SPTBN4: variants seen among roughly 807,000 people sequenced by gnomAD.
The protein encoded by SPTBN4 is spectrin beta, non-erythrocytic 4, also known as spectrin beta chain, non-erythrocytic 4.
In SPTBN4, 96 loss-of-function variants were observed where a neutral mutation model predicts 277.8. The observed-to-expected ratio is 0.35, with a 90% confidence interval of 0.29 to 0.41. The LOEUF is 0.41. Ranked by LOEUF, SPTBN4 falls within the 10% of genes least tolerant of loss-of-function variation. The pLI is 1.00. For synonymous variants in SPTBN4, 1,481 were observed against 1,580.3 expected (o/e 0.94, Z 1.49); for missense variants, 3,006 against 3,595.7 (o/e 0.84, Z 4.19).
At position 40,554,274 on chromosome 19, in the gene SPTBN4, G is replaced by T. The variant is rs2080951360; in HGVS notation, c.4802G>T (p.Ser1601Ile). Residue 1601 changes from serine (S) to isoleucine (I), a missense_variant, in exon 23 of 36, where the codon AGC becomes ATC. Physicochemically the swap from Ser to Ile is moderately radical, Grantham distance 142. Coordinates refer to ENST00000598249, the MANE Select transcript of SPTBN4 (RefSeq NM_020971.3). The surrounding 1 kb of genome is among the most constrained non-coding windows in gnomAD (Gnocchi z 5.7). Reference protein sequence around the residue: ...AVRRGLEQLQSAWAGLREAAE... With the variant: ...AVRRGLEQLQIAWAGLREAAE... ...CGCCGGGGCCTGGAGCAGCTGCAGA[G>T]CGCCTGGGCCGGACTGCGGGAGGCT... 6.5e-7 allele frequency: 1 copy of T among 1,535,508 alleles called. No homozygotes were observed. Among genetic ancestry groups the T allele is most frequent in the Admixed American group, 2.0e-5 (1 of 51,058 alleles).
rs61507204 is a variant in SPTBN4, at chr19:40,491,540, G to A, written c.495+1292G>A. Among the ~76,000 whole-genome samples, 833 of 151,866 alleles carry A rather than the reference G, an allele frequency of 5.5e-3. 4 individuals are homozygous for A. Among genetic ancestry groups the A allele is most frequent in the African/African-American group, 0.019 (778 of 41,388 alleles). Reference sequence around the variant, plus strand: ...GAGGATTACCTGAGTTTAGGAGTTCGAGCCCAGCTTGGCCAACATGGTGAA... The same window carrying A: ...GAGGATTACCTGAGTTTAGGAGTTCAAGCCCAGCTTGGCCAACATGGTGAA... On this transcript the variant is annotated intron_variant, in intron 4 of 35. Coordinates refer to ENST00000598249, the MANE Select transcript of SPTBN4 (RefSeq NM_020971.3).
At chr19:40,564,493 T>TA (rs1306303498) in intron 27 of SPTBN4, among the ~76,000 whole-genome samples, 1 of 152,204 alleles carries the variant, frequency 6.6e-6, no homozygotes, top group African/African-American at 2.4e-5. Flanking sequence ...CTTGGAACGT[T>TA]AAAATCATTG....
rs752471396 is a variant in SPTBN4, at chr19:40,554,206, G to A, written c.4734G>A (p.Ala1578=). 2.0e-6 allele frequency: 3 copies of A among 1,483,034 alleles called. No homozygotes were observed. The South Asian group carries it at 4.0e-5, about 20-fold the overall frequency. The allele number at this position is 1,483,034 out of a possible 1,614,324, so 91.9% of individuals were successfully genotyped here. A position where few individuals can be genotyped will look rare whatever the true frequency, so the allele number is the denominator to read the frequency against. The change falls in exon 23 of 36, where the codon GCG becomes GCA. Residue 1578 remains alanine (A), a synonymous_variant. Transcript: ENST00000598249. The surrounding 1 kb of genome is among the most constrained non-coding windows in gnomAD (Gnocchi z 5.7). ...GCCTGGAGGAGGTGCTGGAGCGCGC[G>A]GGCGCGCTGGCGTCGCTGCGCAGCC... ...GPRLEEVLER[A]GALASLRSPE... is the part of the protein sequence containing the mutation.
At chr19:40,484,217 C>G (rs1260337124) in intron 2 of SPTBN4, among the ~76,000 whole-genome samples, 1 of 151,934 alleles carries the variant, frequency 6.6e-6, no homozygotes, top group Non-Finnish European at 1.5e-5. Flanking sequence ...TTCCCTTAAC[C>G]CCACTATTGA....
In SPTBN4 at chr19:40,506,399, G is replaced by T; in HGVS notation, c.1816+13G>T. The T allele has an allele frequency of 6.2e-7, 1 of 1,603,976 alleles. No individual in the cohort carries two copies. The highest frequency in any genetic ancestry group is 8.5e-7 in the Non-Finnish European group (1 of 1,173,672). On this transcript the variant is annotated intron_variant, in intron 13 of 35. Transcript: ENST00000598249. ...TCCCAGCTGCAGGGTGAGTCTTGGGGCTGGGGCTGGGGCTATGGGTGGAGA... is the reference window on the plus strand; with the variant it reads ...TCCCAGCTGCAGGGTGAGTCTTGGGTCTGGGGCTGGGGCTATGGGTGGAGA...
At chr19:40,503,687 A>G in intron 11 of SPTBN4, 143 bp from the exon 12 acceptor site, 1 of 887,768 alleles carries the variant, frequency 1.1e-6, no homozygotes, top group Non-Finnish European at 1.7e-6. Flanking sequence ...ACAGGGGAGG[A>G]TGAGGCTGGT....
At chr19:40,533,568 T>C (rs1229699406) in intron 19 of SPTBN4, among the ~76,000 whole-genome samples, 3 of 152,208 alleles carry the variant, frequency 2.0e-5, no homozygotes, top group Non-Finnish European at 4.4e-5. Context: ...TAAATGGTCA[T>C]TGATGTTTCA....
intron 2 of SPTBN4, among the ~76,000 whole-genome samples, chr19:40,477,766 G>A (rs968429175): frequency 3.3e-5 from 5 of 152,242 alleles, no homozygotes; most frequent in Non-Finnish European, 5.9e-5. Context: ...AAGGCCTCCA[G>A]AAGCTGGGAG....
At chr19:40,533,490 G>C (rs2080700812) in intron 19 of SPTBN4, among the ~76,000 whole-genome samples, 1 of 152,002 alleles carries the variant, frequency 6.6e-6, no homozygotes, top group Non-Finnish European at 1.5e-5. Context: ...TGAACCCCTA[G>C]ACCTGTAGCC....
rs1568776196 is a variant in SPTBN4, at chr19:40,497,578, G to C, written c.758G>C (p.Gly253Ala). 5 of 1,613,744 alleles carry C rather than the reference G, an allele frequency of 3.1e-6. No homozygotes were observed. The highest frequency in any genetic ancestry group is 3.3e-5 in the Admixed American group (2 of 59,988). The change falls in exon 7 of 36, where the codon GGG becomes GCG. Residue 253 changes from glycine to alanine, a missense_variant. Gly to Ala is a moderately conservative substitution (Grantham distance 60). Coordinates refer to ENST00000598249, the MANE Select transcript of SPTBN4 (RefSeq NM_020971.3). ...TTCCGCACAGCTGAGCAGCACCTGG[G>C]GCTGGCGCGGCTGCTGGATCCTGAA... The part of the protein sequence containing the change: ...RAFRTAEQHL[G>A]LARLLDPEDV...
At chr19:40,569,757 G>A (rs768130478) in intron 32 of SPTBN4, 31 bp downstream of exon 32, 16 of 1,586,304 alleles carry the variant, frequency 1.0e-5, no homozygotes, top group Admixed American at 3.7e-5. Flanking sequence ...GTGGGGATAG[G>A]AGGACCCCTT....
At position 40,532,783 on chromosome 19, in the gene SPTBN4, G is replaced by C. The variant is rs1394965099; in HGVS notation, c.4095+12G>C. On this transcript the variant is annotated intron_variant, in intron 19 of 35. Transcript: ENST00000598249. Reference sequence around the variant, plus strand: ...AGAAGATCGAGCGGGTGAGGAAGCTGATGGCCCCTCTGCCTGTGCCAGGTG... The same window carrying C: ...AGAAGATCGAGCGGGTGAGGAAGCTCATGGCCCCTCTGCCTGTGCCAGGTG... 1 of 1,604,950 alleles carries C rather than the reference G, an allele frequency of 6.2e-7. No homozygotes were observed. The highest frequency in any genetic ancestry group is 1.3e-5 in the African/African-American group (1 of 74,746).
chr19:40,534,999 C>T (rs1272805069), intron 20 of SPTBN4: 2 of 152,268 alleles, frequency 1.3e-5, no homozygotes, highest in African/African-American at 2.4e-5. Context: ...TCTCACCTCC[C>T]AGGGAGTAAT....
intron 15 of SPTBN4, among the ~76,000 whole-genome samples, chr19:40,517,379 G>GC (rs2080473030): frequency 6.6e-6 from 1 of 150,582 alleles, no homozygotes; most frequent in Admixed American, 6.7e-5. Context: ...AGCCTTCACC[G>GC]CCCCCGACCC....
chr19:40,550,302 T>C lies in SPTBN4; in HGVS notation c.4649T>C (p.Val1550Ala), dbSNP rs1435511361. The C allele has an allele frequency of 1.2e-6, 2 of 1,610,632 alleles. No homozygotes were observed. The highest frequency in any genetic ancestry group is 4.5e-5 in the East Asian group (2 of 44,890). ...GAGCGAGGCAACGGTTTGCAGGCGGTCCAGCAGCACATCAAAAAGAACCAG... is the reference window on the plus strand; with the variant it reads ...GAGCGAGGCAACGGTTTGCAGGCGGCCCAGCAGCACATCAAAAAGAACCAG... ...QTERGNGLQA[V>A]QQHIKKNQGL... Residue 1550 changes from valine to alanine, a missense_variant, in exon 22 of 36, where the codon GTC becomes GCC. Physicochemically the swap from Val to Ala is moderately conservative, Grantham distance 64. Transcript: ENST00000598249.
chr19:40,527,112 C>G (rs142367284), intron 17 of SPTBN4, among the ~76,000 whole-genome samples: 2 of 152,282 alleles, frequency 1.3e-5, no homozygotes, highest in Non-Finnish European at 2.9e-5. Context: ...TCTGTCTCTG[C>G]AACTGTCTCC....
rs561899408 is a variant in SPTBN4, at chr19:40,531,974, G to A, written c.3949-651G>A. ...AGAGTCCCAGGGCTAGAACTGGGGA[G>A]CCCTGTGGGCTCATTAGGGGTGCTA... On this transcript the variant is annotated intron_variant, in intron 18 of 35. Transcript: ENST00000598249. Among the ~76,000 whole-genome samples the A allele has an allele frequency of 3.3e-5, 5 of 152,096 alleles. No homozygotes were observed. The East Asian group carries it at 9.7e-4, about 30-fold the overall frequency.
Position 40,513,206 on chromosome 19 carries a change from C to T in SPTBN4, c.2417C>T (p.Ala806Val). The change falls in exon 14 of 36, where the codon GCT becomes GTT. Residue 806 changes from alanine (A) to valine (V), a missense_variant. Around this residue, in one of 5 missense-constraint regions of SPTBN4, gnomAD observed 1,759 missense variants for 2,061.5 expected, o/e 0.85. Coordinates refer to ENST00000598249, the MANE Select transcript of SPTBN4 (RefSeq NM_020971.3). ...AAAGDFGHDE[A>V]SSRRLARQHR... The stretch of plus-strand genomic sequence containing the variant: ...GCCGGTGACTTCGGCCACGACGAAG[C>T]TTCCAGCCGCCGCCTGGCGCGCCAG... 6.6e-7 allele frequency: 1 copy of T among 1,505,336 alleles called. No individual in the cohort carries two copies. The highest frequency in any genetic ancestry group is 8.8e-7 in the Non-Finnish European group (1 of 1,135,180). 93.2% of individuals were successfully genotyped at this position (1,505,336 alleles called of 1,614,324 possible). A position where few individuals can be genotyped will look rare whatever the true frequency, so the allele number is the denominator to read the frequency against.
intron 11 of SPTBN4, among the ~76,000 whole-genome samples, chr19:40,503,540 C>G (rs2080287203): frequency 6.9e-6 from 1 of 144,606 alleles, no homozygotes; most frequent in South Asian, 2.1e-4. Context: ...AGCTGGTCTC[C>G]AGGATAACTG....
Sources: allele counts gnomAD v4.1 joint callset (sites outside exome capture counted in the v4.1 genomes callset), GRCh38; gene constraint gnomAD v4.1.1; regional missense constraint gnomAD v4.1.1; non-coding constraint Gnocchi (gnomAD v3.1); transcripts MANE v1.5; gene names NCBI Gene and HGNC (gene_info 2026-07-23, HGNC 2026-07-21).